The following KIAA0319 variants were observed in gnomAD, a reference collection of about 807,000 sequenced individuals.
KIAA0319 encodes dyslexia-associated protein KIAA0319.
A neutral mutation model predicts 108.4 loss-of-function variants in KIAA0319; 83 were observed. The observed-to-expected ratio is 0.77, with a 90% CI of 0.64 to 0.92. KIAA0319 has a LOEUF of 0.92. Ranked by LOEUF, KIAA0319 falls within the 40% of genes least tolerant of loss-of-function variation. The pLI is 0.00. For missense variants in KIAA0319, 1,195 were observed against 1,322.4 expected (o/e 0.90, Z 1.49); for synonymous variants, 484 against 510.4 (o/e 0.95, Z 0.70).
At chr6:24,630,109 G>A (rs9358780) in intron 1 of KIAA0319, among the ~76,000 whole-genome samples, 106,523 of 151,604 alleles carry the variant, frequency 0.7, 37,969 homozygotes, top group East Asian at 0.88. Flanking sequence ...AACCTGGGAG[G>A]TGGAGGTTGC....
chr6:24,637,476 C>A (rs1244750746), intron 1 of KIAA0319, among the ~76,000 whole-genome samples: 3 of 152,144 alleles, frequency 2.0e-5, no homozygotes, highest in Non-Finnish European at 4.4e-5. Flanking sequence ...CTTTAAAGGG[C>A]ACTCATTTTT....
At chr6:24,611,774 G>A (rs988141804) in intron 1 of KIAA0319, among the ~76,000 whole-genome samples, 2 of 151,860 alleles carry the variant, frequency 1.3e-5, no homozygotes, top group South Asian at 2.1e-4. Context: ...GTTCAGGCCC[G>A]GGGGCACAGT....
chr6:24,562,725 G>A (rs1158961951), intron 16 of KIAA0319, among the ~76,000 whole-genome samples: 2 of 152,176 alleles, frequency 1.3e-5, no homozygotes, highest in East Asian at 1.9e-4. Context: ...AGTAGTCCCA[G>A]CTACTCAGGT....
intron 10 of KIAA0319, 43 bp downstream of exon 10, chr6:24,576,325 C>G: frequency 1.3e-6 from 2 of 1,511,272 alleles, no homozygotes; most frequent in Non-Finnish European, 1.8e-6. Flanking sequence ...GGTAGACAGA[C>G]AGACAGACAG....
In KIAA0319 at chr6:24,645,840, T is replaced by TACACACACACACACACACACAC. The variant is rs70974925; in HGVS notation, c.-232_-211dup. ...TCCTCCTCGTCGTCATCGCAGGTCT[T>TACACACACACACACACACACAC]ACACACACACACACACACACACACA... is the stretch of plus-strand genomic sequence containing the variant. On this transcript the variant is annotated 5_prime_UTR_variant, in exon 1 of 21. Coordinates refer to ENST00000378214, the MANE Select transcript of KIAA0319 (RefSeq NM_014809.4). The TACACACACACACACACACACAC allele has an allele frequency of 7.1e-6, 1 of 140,280 alleles. No individual in the cohort carries two copies. The highest frequency in any genetic ancestry group is 1.5e-5 in the Non-Finnish European group (1 of 64,888). 8.7% of individuals were successfully genotyped at this position (140,280 alleles called of 1,614,324 possible).
In KIAA0319 at chr6:24,546,986, A is replaced by G; in HGVS notation, c.*179T>C. On this transcript the variant is annotated 3_prime_UTR_variant, in exon 21 of 21. Transcript: ENST00000378214. ...TCTATTAACAAGCATCTCAGTTAAA[A>G]GAGCAAAGTTTTTGTTTTGTGCCTT... The G allele has an allele frequency of 3.3e-6, 2 of 597,254 alleles. No individual in the cohort carries two copies. Among genetic ancestry groups the G allele is most frequent in the South Asian group, 2.2e-5 (1 of 45,044 alleles). The allele number at this position is 597,254 out of a possible 1,614,324, so 37.0% of individuals were successfully genotyped here.
At chr6:24,569,647 C>G (rs963836456) in intron 12 of KIAA0319, among the ~76,000 whole-genome samples, 2 of 152,186 alleles carry the variant, frequency 1.3e-5, no homozygotes, top group African/African-American at 4.8e-5. Flanking sequence ...CCCTGAACCT[C>G]TTCTGTCATG....
chr6:24,615,232 A>G (rs1772990533), intron 1 of KIAA0319, among the ~76,000 whole-genome samples: 1 of 152,234 alleles, frequency 6.6e-6, no homozygotes, highest in Admixed American at 6.5e-5. Flanking sequence ...GAAACAACCT[A>G]ACGTCAATTG....
At chr6:24,644,377 T>C (rs561128966) in intron 1 of KIAA0319, among the ~76,000 whole-genome samples, 1 of 152,346 alleles carries the variant, frequency 6.6e-6, no homozygotes, top group East Asian at 1.9e-4. Flanking sequence ...TTTATTTCTA[T>C]GTTTAATATT....
intron 1 of KIAA0319, among the ~76,000 whole-genome samples, chr6:24,638,081 A>G (rs2127595886): frequency 6.6e-6 from 1 of 152,338 alleles, no homozygotes; most frequent in Admixed American, 6.5e-5. Flanking sequence ...GCAAACCAAT[A>G]TAAAGGAGAG....
Position 24,551,536 on chromosome 6 carries a change from C to T in KIAA0319, c.2949-11G>A. On this transcript the variant is annotated splice_polypyrimidine_tract_variant and intron_variant, in intron 19 of 20. Transcript: ENST00000378214. ...TTAGTCCTTTTTTGTCTGAAAGGAA[C>T]AATGAAAAGCTCAACTCAGATCTTT... The T allele has an allele frequency of 6.5e-7, 1 of 1,531,452 alleles. No homozygotes were observed. Among genetic ancestry groups the T allele is most frequent in the South Asian group, 1.1e-5 (1 of 89,434 alleles). The allele number at this position is 1,531,452 out of a possible 1,614,324, so 94.9% of individuals were successfully genotyped here.
chr6:24,609,798 C>T (rs1772036270), intron 1 of KIAA0319, among the ~76,000 whole-genome samples: 1 of 151,902 alleles, frequency 6.6e-6, no homozygotes, highest in African/African-American at 2.4e-5. Flanking sequence ...AACTATGAGC[C>T]TGACTTTTGA....
At chr6:24,623,418 T>C (rs1044163371) in intron 1 of KIAA0319, among the ~76,000 whole-genome samples, 1 of 152,020 alleles carries the variant, frequency 6.6e-6, no homozygotes, top group Admixed American at 6.6e-5. Context: ...AGAAAACCAG[T>C]CTTCAAATTA....
chr6:24,586,375 A>G (rs944508448), intron 4 of KIAA0319, among the ~76,000 whole-genome samples: 18 of 152,166 alleles, frequency 1.2e-4, no homozygotes, highest in Admixed American at 4.6e-4. Flanking sequence ...AACAGAGTAG[A>G]AGTTACTCCT....
At position 24,596,497 on chromosome 6, in the gene KIAA0319, G is replaced by A. The variant is rs763357418; in HGVS notation, c.177C>T (p.Ala59=). 6.2e-6 allele frequency: 10 copies of A among 1,614,012 alleles called. No homozygotes were observed. Among genetic ancestry groups the A allele is most frequent in the African/African-American group, 4.0e-5 (3 of 74,930 alleles). Residue 59 remains alanine (A), a synonymous_variant, in exon 3 of 21, where the codon GCC becomes GCT. Coordinates refer to ENST00000378214, the MANE Select transcript of KIAA0319 (RefSeq NM_014809.4). The part of the protein sequence containing the change: ...SHTFPVVDCT[A]ACCDLSSCDL... ...CACAGCTGGACAGGTCACAGCAAGCGGCCGTGCAGTCTACGACAGGGAAGG... is the reference window on the plus strand; with the variant it reads ...CACAGCTGGACAGGTCACAGCAAGCAGCCGTGCAGTCTACGACAGGGAAGG...
intron 1 of KIAA0319, among the ~76,000 whole-genome samples, chr6:24,606,617 G>C (rs1771445840): frequency 6.6e-6 from 1 of 152,180 alleles, no homozygotes; most frequent in Admixed American, 6.5e-5. Flanking sequence ...CTGTGGCAAA[G>C]ATTGCCTGTT....
chr6:24,579,530 TATATAC>T, intron 8 of KIAA0319, among the ~76,000 whole-genome samples: 1 of 146,726 alleles, frequency 6.8e-6, no homozygotes, highest in East Asian at 1.9e-4. Flanking sequence ...ATCTTATATA[TATATAC>T]ATATATATAT....
At chr6:24,594,354 G>T (rs146670213) in intron 3 of KIAA0319, among the ~76,000 whole-genome samples, 1 of 148,160 alleles carries the variant, frequency 6.7e-6, no homozygotes, top group African/African-American at 2.5e-5. Context: ...GGCTGGGCAC[G>T]GTGGCTCATG....
In KIAA0319 at chr6:24,565,123, G is replaced by A. The variant is rs145965333; in HGVS notation, c.2293-783C>T. Among the ~76,000 whole-genome samples, 5 of 152,110 alleles carry A rather than the reference G, an allele frequency of 3.3e-5. No individual in the cohort carries two copies. The East Asian group carries it at 9.7e-4, about 29-fold the overall frequency. On this transcript the variant is annotated intron_variant, in intron 14 of 20. Coordinates refer to ENST00000378214, the MANE Select transcript of KIAA0319 (RefSeq NM_014809.4). ...AAAAAATTAGACAGGCGTGGTGGTG[G>A]GCACCTGCAGTCCCAGCTACTCGGG... is the stretch of plus-strand genomic sequence containing the variant.
Sources: allele counts gnomAD v4.1 joint callset (sites outside exome capture counted in the v4.1 genomes callset), GRCh38; gene constraint gnomAD v4.1.1; transcripts MANE v1.5; gene names NCBI Gene and HGNC (gene_info 2026-07-23, HGNC 2026-07-21).